Variants in TPST2 observed in about 807,000 individuals in gnomAD.
TPST2 encodes protein-tyrosine sulfotransferase 2.
In TPST2, 16 loss-of-function variants were observed where a neutral mutation model predicts 27.8. The observed-to-expected ratio is 0.58, with a 90% confidence interval of 0.39 to 0.88. TPST2 has a LOEUF of 0.88. TPST2 is among the 40% of genes least tolerant of loss of function. TPST2 has a pLI of 0.00. For synonymous variants in TPST2, 229 were observed against 231.7 expected (o/e 0.99, Z 0.10); for missense variants, 464 against 543.1 (o/e 0.85, Z 1.45).
At chr22:26,562,253 CA>C (rs1927141529) in intron 1 of TPST2, among the ~76,000 whole-genome samples, 1 of 152,204 alleles carries the variant, frequency 6.6e-6, no homozygotes, top group Non-Finnish European at 1.5e-5. Context: ...CCAGTCTGCC[CA>C]TATGCGAGAA....
chr22:26,536,380 C>A lies in TPST2; in HGVS notation c.949G>T (p.Ala317Ser). Reference protein sequence around the residue: ...GDVVRDMAQIAPMLAQLGYDP... With the variant: ...GDVVRDMAQISPMLAQLGYDP... ...TAGCCGAGCTGAGCCAGCATGGGGG[C>A]GATCTGGGCCATGTCCCGCACCACA... Residue 317 changes from alanine (A) to serine (S), a missense_variant, in exon 4 of 7, where the codon GCC (alanine) becomes TCC (serine). Ala to Ser is a moderately conservative substitution (Grantham distance 99, BLOSUM62 1). Transcript: ENST00000338754. 1 of 1,607,274 alleles carries A rather than the reference C, an allele frequency of 6.2e-7. No homozygotes were observed. Among genetic ancestry groups the A allele is most frequent in the East Asian group, 2.2e-5 (1 of 44,728 alleles).
intron 1 of TPST2, among the ~76,000 whole-genome samples, chr22:26,549,096 T>C (rs1181540266): frequency 6.6e-6 from 1 of 152,210 alleles, no homozygotes; most frequent in East Asian, 1.9e-4. Flanking sequence ...GAAACTAGTC[T>C]TGCAGGAGTG....
chr22:26,541,491 G>C lies in TPST2; in HGVS notation c.140C>G (p.Pro47Arg), dbSNP rs776635712. Residue 47 changes from proline (P) to arginine (R), a missense_variant, in exon 3 of 7, where the codon CCT becomes CGT. By Grantham distance (103) the Pro-to-Arg change is moderately radical (BLOSUM62 -2). Coordinates refer to ENST00000338754, the MANE Select transcript of TPST2 (RefSeq NM_003595.5). The surrounding 1 kb of genome is among the most constrained non-coding windows in gnomAD (Gnocchi z 5.9). ...CACCATCACCAGCTCCTCCTGCTCA[G>C]GCCGCATGGCCCCCCGGGGGCTCCG... ...GLRSPRGAMR[P>R]EQEELVMVGT... The C allele has an allele frequency of 2.5e-6, 4 of 1,611,880 alleles. 1 individual carries two copies. Among genetic ancestry groups the C allele is most frequent in the Non-Finnish European group, 3.4e-6 (4 of 1,178,922 alleles).
rs1163793644 is a variant in TPST2 at position 26,551,883 on chromosome 22, C to CTTTTTTTTTTTTTT, written c.-160-7222_-160-7209dup. On this transcript the variant is annotated intron_variant, in intron 1 of 6. Coordinates refer to ENST00000338754, the MANE Select transcript of TPST2 (RefSeq NM_003595.5). ...ATTCTTTTCCTTTTCTTTTCTTTTT[C>CTTTTTTTTTTTTTT]TTTTTTTTTTTTTTTTTTTTTTTGA... Among the ~76,000 whole-genome samples the CTTTTTTTTTTTTTT allele has an allele frequency of 2.6e-4, 17 of 66,424 alleles. 2 individuals are homozygous for CTTTTTTTTTTTTTT. Among genetic ancestry groups the CTTTTTTTTTTTTTT allele is most frequent in the East Asian group, 8.7e-4 (2 of 2,300 alleles). 43.6% of individuals were successfully genotyped at this position (66,424 alleles called of 152,430 possible).
chr22:26,576,480 C>T (rs1323371188), intron 1 of TPST2, among the ~76,000 whole-genome samples: 1 of 151,874 alleles, frequency 6.6e-6, no homozygotes, highest in African/African-American at 2.4e-5. Context: ...TGAGCTGAGT[C>T]GAAAAGAATG....
rs1277018426 is a variant in TPST2, at chr22:26,588,202, A to AC, written c.-161+1850_-161+1851insG. Among the ~76,000 whole-genome samples, 3 of 151,890 alleles carry AC rather than the reference A, an allele frequency of 2.0e-5. No homozygotes were observed. In the East Asian group the frequency reaches 5.8e-4, roughly 29 times the overall value. On this transcript the variant is annotated intron_variant, in intron 1 of 6. Transcript: ENST00000338754. ...CCATAAAAAGGAACGAAGTACTTAA[A>AC]AAAAAAAAAAGGAATGAAGTACTGA... is the stretch of plus-strand genomic sequence containing the variant.
At chr22:26,559,595 C>T (rs1926978403) in intron 1 of TPST2, among the ~76,000 whole-genome samples, 1 of 152,198 alleles carries the variant, frequency 6.6e-6, no homozygotes, top group South Asian at 2.1e-4. Flanking sequence ...ACTCTACTTT[C>T]CGTCTCTATG....
rs960350081 is a variant in TPST2 at position 26,589,953 on chromosome 22, A to C, written c.-161+100T>G. On this transcript the variant is annotated intron_variant, in intron 1 of 6. Coordinates refer to ENST00000338754, the MANE Select transcript of TPST2 (RefSeq NM_003595.5). ...GCCGGGCCCGGAGGCAGCCGCCAGGACGGAGGGCTGCCAGGCGCCCGAGGC... is the reference window on the plus strand; with the variant it reads ...GCCGGGCCCGGAGGCAGCCGCCAGGCCGGAGGGCTGCCAGGCGCCCGAGGC... The C allele has an allele frequency of 4.0e-5, 6 of 151,842 alleles. No individual in the cohort carries two copies. The East Asian group carries it at 1.2e-3, about 29-fold the overall frequency. The allele number at this position is 151,842 out of a possible 1,614,324, so 9.4% of individuals were successfully genotyped here.
chr22:26,573,810 A>G (rs1237009316), intron 1 of TPST2, among the ~76,000 whole-genome samples: 1 of 152,108 alleles, frequency 6.6e-6, no homozygotes, highest in African/African-American at 2.4e-5. Context: ...GCCAGCCCCA[A>G]TTCTGGGGTA....
In TPST2 at chr22:26,561,282, T is replaced by C. The variant is rs563172982; in HGVS notation, c.-160-16607A>G. On this transcript the variant is annotated intron_variant, in intron 1 of 6. Transcript: ENST00000338754. ...GGCTGTGTAAGATTTGTTTTTAAAC[T>C]GTACAGTGTCTTTTTTTGTATAGTT... Among the ~76,000 whole-genome samples, 508 of 152,308 alleles carry C rather than the reference T, an allele frequency of 3.3e-3. 3 individuals are homozygous for C. The highest frequency in any genetic ancestry group is 0.017 in the South Asian group (84 of 4,814).
chr22:26,540,234 G>C (rs1925718258), intron 3 of TPST2, among the ~76,000 whole-genome samples: 1 of 152,184 alleles, frequency 6.6e-6, no homozygotes, highest in Non-Finnish European at 1.5e-5. Flanking sequence ...TTTGAACCCA[G>C]ACATCCTTGT....
chr22:26,532,110 A>C (rs1313720867), intron 5 of TPST2, among the ~76,000 whole-genome samples: 1 of 152,058 alleles, frequency 6.6e-6, no homozygotes, highest in Admixed American at 6.6e-5. Context: ...CTCCAGTCTC[A>C]ACAAGAAAGA....
intron 6 of TPST2, 100 bp downstream of exon 6, chr22:26,528,114 C>A: frequency 7.1e-7 from 1 of 1,412,112 alleles, no homozygotes; most frequent in Non-Finnish European, 9.8e-7. Context: ...CATGTCTACC[C>A]CAGGGAGGCT....
chr22:26,532,168 C>T (rs751349171), intron 5 of TPST2, among the ~76,000 whole-genome samples: 25 of 152,146 alleles, frequency 1.6e-4, no homozygotes, highest in Non-Finnish European at 3.1e-4. Flanking sequence ...GCATTCAAGC[C>T]GGAAGACGAA....
intron 3 of TPST2, among the ~76,000 whole-genome samples, chr22:26,539,639 C>T (rs1925680335): frequency 6.6e-6 from 1 of 151,584 alleles, no homozygotes; most frequent in South Asian, 2.1e-4. Flanking sequence ...TGTGGAGATG[C>T]TCGCCTGTAG....
intron 3 of TPST2, among the ~76,000 whole-genome samples, chr22:26,536,998 C>A (rs187303623): frequency 6.6e-6 from 1 of 152,112 alleles, no homozygotes; most frequent in African/African-American, 2.4e-5. Context: ...AGCAGTGAGC[C>A]TGAGCTGTGA....
intron 1 of TPST2, among the ~76,000 whole-genome samples, chr22:26,584,169 A>G (rs535309305): frequency 3.3e-5 from 5 of 152,244 alleles, no homozygotes; most frequent in Admixed American, 6.5e-5. Flanking sequence ...TTTAACATGT[A>G]CGGAAACTGG....
At chr22:26,576,258 G>A (rs1233406620) in intron 1 of TPST2, among the ~76,000 whole-genome samples, 1 of 151,892 alleles carries the variant, frequency 6.6e-6, no homozygotes, top group East Asian at 1.9e-4. Flanking sequence ...CAACGATGGA[G>A]CTGGTCTTCT....
chr22:26,557,414 T>A (rs1387854505), intron 1 of TPST2, among the ~76,000 whole-genome samples: 1 of 152,144 alleles, frequency 6.6e-6, no homozygotes, highest in Non-Finnish European at 1.5e-5. Flanking sequence ...CTGTGAGGAT[T>A]AAGTGAGATA....
Sources: allele counts gnomAD v4.1 joint callset (sites outside exome capture counted in the v4.1 genomes callset), GRCh38; gene constraint gnomAD v4.1.1; non-coding constraint Gnocchi (gnomAD v3.1); transcripts MANE v1.5; gene names NCBI Gene and HGNC (gene_info 2026-07-23, HGNC 2026-07-21).